BCKDHB: variants seen among roughly 807,000 people sequenced by gnomAD.
BCKDHB encodes 2-oxoisovalerate dehydrogenase subunit beta, mitochondrial.
BCKDHB carries 41 observed loss-of-function variants against 48.5 expected under a neutral mutation model. That is an observed-to-expected ratio of 0.85 (90% CI 0.66 to 1.10). The LOEUF (loss-of-function observed/expected upper bound fraction) is 1.10, where lower values mean the gene tolerates loss of function less well. BCKDHB is among the 50% of genes least tolerant of loss of function. The pLI is 0.00. For synonymous variants in BCKDHB, 201 were observed against 174.8 expected (o/e 1.15, Z -1.18); for missense variants, 496 against 494.2 (o/e 1.00, Z -0.03).
intron 6 of BCKDHB, among the ~76,000 whole-genome samples, chr6:80,180,127 C>T (rs1050711114): frequency 2.6e-5 from 4 of 152,276 alleles, no homozygotes; most frequent in Middle Eastern, 3.4e-3. Context: ...CTTTATAAAT[C>T]GTACAGATGA....
chr6:80,139,879 A>G (rs1360055695), intron 3 of BCKDHB, among the ~76,000 whole-genome samples: 2 of 152,166 alleles, frequency 1.3e-5, no homozygotes, highest in Non-Finnish European at 1.5e-5. Flanking sequence ...CATTGAATCT[A>G]TAAATTACCT....
the BCKDHB span, among the ~76,000 whole-genome samples, chr6:80,394,995 T>C: frequency 7.9e-5 from 12 of 152,196 alleles, no homozygotes; most frequent in Non-Finnish European, 1.2e-4. Flanking sequence ...ACGTGTTTGT[T>C]TCCACTTTTG....
intron 6 of BCKDHB, among the ~76,000 whole-genome samples, chr6:80,178,265 A>G (rs949034007): frequency 2.6e-5 from 4 of 152,148 alleles, no homozygotes; most frequent in Non-Finnish European, 2.9e-5. Flanking sequence ...TCTTCCTTTG[A>G]TTAGTAAGCT....
intron 9 of BCKDHB, among the ~76,000 whole-genome samples, chr6:80,335,343 CAG>C (rs920605201): frequency 1.8e-4 from 27 of 151,860 alleles, no homozygotes; most frequent in Middle Eastern, 3.4e-3. Context: ...TCCTACCTTA[CAG>C]AGAGCGATTT....
intron 3 of BCKDHB, among the ~76,000 whole-genome samples, chr6:80,145,847 C>G: frequency 6.6e-6 from 1 of 152,136 alleles, no homozygotes; most frequent in Non-Finnish European, 1.5e-5. Flanking sequence ...TTTGTCTAGG[C>G]TAAGGCACTT....
intron 1 of BCKDHB, among the ~76,000 whole-genome samples, chr6:80,108,499 GTTC>G (rs1769246155): frequency 6.8e-6 from 1 of 147,534 alleles, no homozygotes; most frequent in South Asian, 2.1e-4. Flanking sequence ...ATATAAACTT[GTTC>G]TTATTTTAAA....
At chr6:80,424,942 T>C in the BCKDHB span, among the ~76,000 whole-genome samples, 4 of 152,198 alleles carry the variant, frequency 2.6e-5, no homozygotes, top group Non-Finnish European at 5.9e-5. Flanking sequence ...TTTCTGGCTT[T>C]GAAGCTGCTT....
chr6:80,198,195 A>G (rs1774221157), intron 6 of BCKDHB, among the ~76,000 whole-genome samples: 1 of 152,196 alleles, frequency 6.6e-6, no homozygotes, highest in Non-Finnish European at 1.5e-5. Context: ...CACTGTGTAA[A>G]TCAATGGCAT....
intron 9 of BCKDHB, among the ~76,000 whole-genome samples, chr6:80,295,154 TAGAA>T (rs1202205982): frequency 1.6e-4 from 25 of 152,254 alleles, no homozygotes; most frequent in South Asian, 1.2e-3. Context: ...TTATGGAAAA[TAGAA>T]AGAACTACAT....
At chr6:80,341,110 A>T (rs1237095355) in intron 9 of BCKDHB, among the ~76,000 whole-genome samples, 1 of 152,132 alleles carries the variant, frequency 6.6e-6, no homozygotes, top group Non-Finnish European at 1.5e-5. Flanking sequence ...AAAGACTGAT[A>T]TCCTATTCGT....
rs79927401 is a variant in BCKDHB at position 80,334,398 on chromosome 6, A to G, written c.1039-9266A>G. On this transcript the variant is annotated intron_variant, in intron 9 of 9. Transcript: ENST00000320393. The stretch of plus-strand genomic sequence containing the variant: ...CTTGTTTGCTTTGTTAATTTGTTCA[A>G]TTATTAAACTTTGAGAGTACAAAGA... Among the ~76,000 whole-genome samples the G allele has an allele frequency of 8.4e-3, 1,278 of 152,228 alleles. 19 individuals carry two copies. The highest frequency in any genetic ancestry group is 0.029 in the African/African-American group (1,211 of 41,570).
chr6:80,214,182 G>T (rs114882076), intron 8 of BCKDHB, among the ~76,000 whole-genome samples: 2 of 152,052 alleles, frequency 1.3e-5, no homozygotes, highest in Non-Finnish European at 2.9e-5. Context: ...GCTGGAATGG[G>T]GAAGGAGTCA....
At chr6:80,398,696 G>GAAAAAAAA in the BCKDHB span, among the ~76,000 whole-genome samples, 9 of 144,280 alleles carry the variant, frequency 6.2e-5, no homozygotes, top group African/African-American at 2.3e-4. Flanking sequence ...TAAAACTTTT[G>GAAAAAAAA]AAAAAAAAAA....
intron 9 of BCKDHB, among the ~76,000 whole-genome samples, chr6:80,303,225 A>G (rs534458880): frequency 2.0e-5 from 3 of 152,114 alleles, no homozygotes; most frequent in South Asian, 2.1e-4. Context: ...CTTAAGTTCT[A>G]GGAAGCGGAT....
intron 3 of BCKDHB, among the ~76,000 whole-genome samples, chr6:80,145,729 AATAT>A (rs1771451472): frequency 6.6e-6 from 1 of 152,192 alleles, no homozygotes; most frequent in Non-Finnish European, 1.5e-5. Context: ...AGTGGGCTGA[AATAT>A]GCTCAGTAGA....
intron 1 of BCKDHB, among the ~76,000 whole-genome samples, chr6:80,124,907 C>G (rs1770260399): frequency 6.6e-6 from 1 of 152,164 alleles, no homozygotes; most frequent in South Asian, 2.1e-4. Context: ...GGTGCTAGGA[C>G]TTTCAGAATG....
chr6:80,245,800 G>A (rs1713591158), intron 8 of BCKDHB, among the ~76,000 whole-genome samples: 2 of 152,170 alleles, frequency 1.3e-5, no homozygotes, highest in Admixed American at 1.3e-4. Flanking sequence ...AGAGGGCCGG[G>A]CACGGTGGTT....
the BCKDHB span, among the ~76,000 whole-genome samples, chr6:80,432,820 C>T: frequency 2.0e-5 from 3 of 152,272 alleles, no homozygotes; most frequent in South Asian, 6.2e-4. Flanking sequence ...GTGGATTTAT[C>T]TACCTTTCAT....
chr6:80,340,552 T>C (rs1769835442), intron 9 of BCKDHB, among the ~76,000 whole-genome samples: 1 of 152,224 alleles, frequency 6.6e-6, no homozygotes, highest in Non-Finnish European at 1.5e-5. Flanking sequence ...CTGTAGGCTA[T>C]GCCATTACTT....
Sources: allele counts gnomAD v4.1 joint callset (sites outside exome capture counted in the v4.1 genomes callset), GRCh38; gene constraint gnomAD v4.1.1; transcripts MANE v1.5; gene names NCBI Gene and HGNC (gene_info 2026-07-23, HGNC 2026-07-21).